ASAP1: variants seen among roughly 807,000 people sequenced by gnomAD.
The protein encoded by ASAP1 is arf-GAP with SH3 domain, ANK repeat and PH domain-containing protein 1.
In ASAP1, 43 loss-of-function variants were observed where a neutral mutation model predicts 145.2. That is an observed-to-expected ratio of 0.30 (90% CI 0.23 to 0.38). ASAP1 has a LOEUF of 0.38. Among genes scored for constraint, ASAP1 ranks in the 10% least tolerant of loss-of-function variants. The pLI, the probability that ASAP1 is intolerant of heterozygous loss-of-function variation, is 1.00. For missense variants in ASAP1, 1,018 were observed against 1,355.3 expected (o/e 0.75, Z 3.91); for synonymous variants, 546 against 515.5 (o/e 1.06, Z -0.80).
intron 2 of ASAP1, chr8:130,361,775 A>C (rs1355322831): frequency 6.5e-7 from 1 of 1,528,924 alleles, no homozygotes; most frequent in East Asian, 2.4e-5. Flanking sequence ...TGGATATCTG[A>C]AAGCAAATAG....
At chr8:130,163,240 C>T (rs2097673296) in intron 11 of ASAP1, 1 of 152,178 alleles carries the variant, frequency 6.6e-6, no homozygotes, top group African/African-American at 2.4e-5. Flanking sequence ...TAAAATAAAA[C>T]ACTAAGTTTA....
chr8:130,276,912 A>G (rs1820947592), intron 3 of ASAP1, among the ~76,000 whole-genome samples: 1 of 152,088 alleles, frequency 6.6e-6, no homozygotes, highest in Admixed American at 6.6e-5. Context: ...GACACAGAAA[A>G]CTAAGTGAAC....
At chr8:130,188,039 G>C in intron 6 of ASAP1, 70 bp downstream of exon 6, 1 of 1,099,572 alleles carries the variant, frequency 9.1e-7, no homozygotes. Context: ...GTACTACTAT[G>C]ATCTTGAAAG....
chr8:130,176,478 T>A (rs924122899), intron 9 of ASAP1, among the ~76,000 whole-genome samples: 1 of 152,144 alleles, frequency 6.6e-6, no homozygotes, highest in Non-Finnish European at 1.5e-5. Context: ...TACTACTTGA[T>A]GTCTCAGAAC....
intron 1 of ASAP1, among the ~76,000 whole-genome samples, chr8:130,415,410 A>G (rs574341836): frequency 2.2e-4 from 33 of 152,270 alleles, no homozygotes; most frequent in African/African-American, 7.7e-4. Flanking sequence ...TGAGGCTGCA[A>G]TGACCTATGA....
In ASAP1 at chr8:130,366,886, C is replaced by CTTTTTTTTTTTTTTTTTTTTTTT. The variant is rs905755447; in HGVS notation, c.60-8744_60-8743insAAAAAAAAAAAAAAAAAAAAAAA. On this transcript the variant is annotated intron_variant, in intron 2 of 29. Coordinates refer to ENST00000518721, the MANE Select transcript of ASAP1 (RefSeq NM_018482.4). ...TCTAAACAGGTACTATGCTAGATTC[C>CTTTTTTTTTTTTTTTTTTTTTTT]TTTTTTTTTTTTTTTTTTTTTTGAG... Among the ~76,000 whole-genome samples the CTTTTTTTTTTTTTTTTTTTTTTT allele has an allele frequency of 4.4e-4, 44 of 99,198 alleles. 2 individuals are homozygous for CTTTTTTTTTTTTTTTTTTTTTTT. Among genetic ancestry groups the CTTTTTTTTTTTTTTTTTTTTTTT allele is most frequent in the African/African-American group, 6.5e-4 (16 of 24,750 alleles). The allele number at this position is 99,198 out of a possible 152,430, so 65.1% of individuals were successfully genotyped here.
intron 5 of ASAP1, among the ~76,000 whole-genome samples, chr8:130,209,194 C>G (rs537764216): frequency 1.6e-4 from 25 of 152,270 alleles, no homozygotes; most frequent in African/African-American, 6.0e-4. Flanking sequence ...GATTTGATCC[C>G]TACACAACCA....
chr8:130,305,396 G>T (rs901385259), intron 3 of ASAP1, among the ~76,000 whole-genome samples: 4 of 152,184 alleles, frequency 2.6e-5, no homozygotes, highest in Non-Finnish European at 5.9e-5. Context: ...GCCCAGGCTG[G>T]AGTCCAGTGG....
chr8:130,406,169 C>T (rs749738909), intron 1 of ASAP1, among the ~76,000 whole-genome samples: 7 of 152,198 alleles, frequency 4.6e-5, no homozygotes, highest in African/African-American at 9.7e-5. Flanking sequence ...GGGAACTACC[C>T]TGTGCCAGGG....
intron 3 of ASAP1, among the ~76,000 whole-genome samples, chr8:130,280,928 A>G (rs1038133912): frequency 4.6e-5 from 7 of 152,166 alleles, no homozygotes. Flanking sequence ...ACAGTCACTG[A>G]TCTGTCTAAA....
chr8:130,083,053 G>C (rs2097484845), intron 25 of ASAP1: 1 of 152,216 alleles, frequency 6.6e-6, no homozygotes, highest in South Asian at 2.1e-4. Context: ...TATTAATGCA[G>C]GTTGCATGTG....
At chr8:130,070,682 T>C (rs1185250323) in intron 27 of ASAP1, among the ~76,000 whole-genome samples, 1 of 151,380 alleles carries the variant, frequency 6.6e-6, no homozygotes, top group Non-Finnish European at 1.5e-5. Context: ...GAAATACCCA[T>C]GCTGTCTCAG....
chr8:130,440,478 G>A (rs1830453994), intron 1 of ASAP1, among the ~76,000 whole-genome samples: 1 of 149,498 alleles, frequency 6.7e-6, no homozygotes, highest in African/African-American at 2.5e-5. Context: ...CTGCACTCCA[G>A]ACTGGGCAAC....
intron 4 of ASAP1, among the ~76,000 whole-genome samples, chr8:130,217,385 A>G (rs1816994655): frequency 6.6e-6 from 1 of 151,974 alleles, no homozygotes; most frequent in Non-Finnish European, 1.5e-5. Flanking sequence ...TTAGTTGGAA[A>G]CAATCCTTCC....
chr8:130,172,323 A>C lies in ASAP1; in HGVS notation c.747-3256T>G, dbSNP rs181901668. 9.2e-5 allele frequency among the ~76,000 whole-genome samples: 14 copies of C among 152,374 alleles called. No homozygotes were observed. The East Asian group carries it at 1.5e-3, about 17-fold the overall frequency. On this transcript the variant is annotated intron_variant, in intron 9 of 29. Transcript: ENST00000518721. ...GGAATTTAATCTTTATGCTTTAAAAAAATGTGAGTTTTGCTCGGGTGACAG... is the reference window on the plus strand; with the variant it reads ...GGAATTTAATCTTTATGCTTTAAAACAATGTGAGTTTTGCTCGGGTGACAG...
chr8:130,411,865 T>C (rs1331964696), intron 1 of ASAP1, among the ~76,000 whole-genome samples: 3 of 152,062 alleles, frequency 2.0e-5, no homozygotes, highest in African/African-American at 7.2e-5. Flanking sequence ...ACAGAGAGAA[T>C]ACAACCAAGG....
chr8:130,331,859 C>T (rs887021673), intron 3 of ASAP1, among the ~76,000 whole-genome samples: 3 of 152,106 alleles, frequency 2.0e-5, no homozygotes, highest in African/African-American at 7.2e-5. Context: ...TCAGAATCCA[C>T]AAAAGCTGAA....
At chr8:130,190,832 T>C (rs1215037840) in intron 5 of ASAP1, among the ~76,000 whole-genome samples, 1 of 152,154 alleles carries the variant, frequency 6.6e-6, no homozygotes, top group Non-Finnish European at 1.5e-5. Context: ...TCTGTTTTTA[T>C]GCCAGCATCA....
At chr8:130,370,275 C>CT (rs1194896669) in intron 2 of ASAP1, among the ~76,000 whole-genome samples, 2 of 152,134 alleles carry the variant, frequency 1.3e-5, no homozygotes, top group Non-Finnish European at 2.9e-5. Context: ...GCATTCCAGC[C>CT]TGGGGGGTGA....
Sources: gnomAD v4.1 joint callset for allele counts (sites outside exome capture counted in the v4.1 genomes callset) on GRCh38, gnomAD v4.1.1 for gene constraint, MANE v1.5 for transcripts, NCBI Gene and HGNC (gene_info 2026-07-23, HGNC 2026-07-21) for gene names.